The following MGRN1 variants were observed in gnomAD, a reference collection of about 807,000 sequenced individuals.
The protein encoded by MGRN1 is mahogunin ring finger 1, also known as E3 ubiquitin-protein ligase MGRN1.
In MGRN1, 29 loss-of-function variants were observed where a neutral mutation model predicts 69.2. The observed-to-expected ratio is 0.42, with a 90% CI of 0.31 to 0.57. The LOEUF is 0.57. Among genes scored for constraint, MGRN1 ranks in the 20% least tolerant of loss-of-function variants. MGRN1 has a pLI of 0.15. For missense variants in MGRN1, 998 were observed against 796.2 expected (o/e 1.25, Z -3.05); for synonymous variants, 470 against 344.2 (o/e 1.37, Z -4.04).
At chr16:4,642,623 C>G (rs560620693) in intron 1 of MGRN1, among the ~76,000 whole-genome samples, 1 of 151,740 alleles carries the variant, frequency 6.6e-6, no homozygotes, top group East Asian at 1.9e-4. Context: ...CGCACCCGGC[C>G]CTAATTTTTG....
intron 5 of MGRN1, chr16:4,658,765 G>T (rs2078610385): frequency 6.6e-6 from 1 of 152,228 alleles, no homozygotes. Context: ...AGCACTTCGG[G>T]AGGCTGAGGT....
Position 4,624,844 on chromosome 16 carries a change from C to T in MGRN1, c.-117C>T. 2 of 828,812 alleles carry T rather than the reference C, an allele frequency of 2.4e-6. No individual in the cohort carries two copies. The highest frequency in any genetic ancestry group is 6.7e-5 in the South Asian group (2 of 29,692). 51.3% of individuals were successfully genotyped at this position (828,812 alleles called of 1,614,324 possible). On this transcript the variant is annotated 5_prime_UTR_variant, in exon 1 of 17. Coordinates refer to ENST00000262370, the MANE Select transcript of MGRN1 (RefSeq NM_015246.4). Reference sequence around the variant, plus strand: ...CGGGGGTGGGGGCTCGAGGCGCCTCCGCGGCCGTGGACGAGCGTCCGTGCG... The same window carrying T: ...CGGGGGTGGGGGCTCGAGGCGCCTCTGCGGCCGTGGACGAGCGTCCGTGCG...
intron 16 of MGRN1, chr16:4,686,365 T>C: frequency 6.6e-7 from 1 of 1,522,370 alleles, no homozygotes; most frequent in Non-Finnish European, 8.8e-7. Flanking sequence ...AGAGGAGCCC[T>C]CCCCTGCTCT....
chr16:4,665,053 G>T, intron 6 of MGRN1, 49 bp from the exon 7 acceptor site: 1 of 1,608,972 alleles, frequency 6.2e-7, no homozygotes, highest in South Asian at 1.1e-5. Context: ...GAGATGCCTG[G>T]GTGGGGCAGG....
chr16:4,644,541 C>G (rs184697056), intron 1 of MGRN1, among the ~76,000 whole-genome samples: 122 of 152,198 alleles, frequency 8.0e-4, no homozygotes, highest in Non-Finnish European at 1.3e-3. Flanking sequence ...AACTCCTGAC[C>G]TCAGGTGATC....
intron 1 of MGRN1, among the ~76,000 whole-genome samples, chr16:4,625,994 C>G (rs1280214542): frequency 6.6e-6 from 1 of 152,218 alleles, no homozygotes; most frequent in African/African-American, 2.4e-5. Flanking sequence ...GAGTGTGGGC[C>G]AGGTCCACAA....
intron 16 of MGRN1, among the ~76,000 whole-genome samples, chr16:4,685,601 C>T (rs188419878): frequency 4.5e-4 from 69 of 152,358 alleles, no homozygotes; most frequent in Non-Finnish European, 4.3e-4. Flanking sequence ...TTCTGAGCCA[C>T]GGAGAGCACA....
chr16:4,682,868 G>A lies in MGRN1; in HGVS notation c.1404G>A (p.Glu468=). The change falls in exon 14 of 17, where the codon GAG becomes GAA. Residue 468 remains glutamate (E), a synonymous_variant. Transcript: ENST00000262370. Reference sequence around the variant, plus strand: ...CCCCCATCCACGAAGAGGATGAGGAGAAGCTCTCCGAGGACGTGGACGCCC... The same window carrying A: ...CCCCCATCCACGAAGAGGATGAGGAAAAGCTCTCCGAGGACGTGGACGCCC... ...PSSPIHEEDE[E]KLSEDVDAPP... The A allele has an allele frequency of 6.2e-7, 1 of 1,609,644 alleles. No homozygotes were observed. The highest frequency in any genetic ancestry group is 8.5e-7 in the Non-Finnish European group (1 of 1,176,850).
chr16:4,677,240 CTGT>C (rs2079072425), intron 10 of MGRN1: 6 of 424,114 alleles, frequency 1.4e-5, no homozygotes, highest in Non-Finnish European at 2.1e-5. Context: ...CCCTCTATTT[CTGT>C]ACAGGGGAGC....
At chr16:4,683,177 G>GGCCGCGGCTCTCTGA in intron 14 of MGRN1, 47 bp from the exon 15 acceptor site, 3 of 1,607,262 alleles carry the variant, frequency 1.9e-6, no homozygotes, top group Non-Finnish European at 2.6e-6. Flanking sequence ...CTGGAGCGGT[G>GGCCGCGGCTCTCTGA]GCCGCGGCTC....
At chr16:4,666,684 G>A (rs1338345257) in intron 7 of MGRN1, among the ~76,000 whole-genome samples, 1 of 152,208 alleles carries the variant, frequency 6.6e-6, no homozygotes, top group Non-Finnish European at 1.5e-5. Context: ...CAGACCCCCA[G>A]TCCTGCTGCT....
intron 1 of MGRN1, 83 bp from the exon 2 acceptor site, chr16:4,650,282 G>T: frequency 9.3e-7 from 1 of 1,080,772 alleles, no homozygotes; most frequent in East Asian, 2.5e-5. Flanking sequence ...CAGCCTGGGT[G>T]GAGCGCCACT....
intron 8 of MGRN1, among the ~76,000 whole-genome samples, chr16:4,671,091 G>A (rs1301513964): frequency 6.6e-6 from 1 of 152,184 alleles, no homozygotes; most frequent in African/African-American, 2.4e-5. Flanking sequence ...GGTGGTGGTG[G>A]AGCCAAGTGG....
At chr16:4,637,396 C>T (rs1898357637) in intron 1 of MGRN1, among the ~76,000 whole-genome samples, 1 of 152,050 alleles carries the variant, frequency 6.6e-6, no homozygotes, top group Admixed American at 6.6e-5. Flanking sequence ...CGCCATTGCA[C>T]TCCAGCCTGA....
chr16:4,635,484 T>C (rs1898234184), intron 1 of MGRN1, among the ~76,000 whole-genome samples: 1 of 152,096 alleles, frequency 6.6e-6, no homozygotes, highest in Non-Finnish European at 1.5e-5. Context: ...TTTTTCTTTT[T>C]TTCGAGACAG....
At position 4,668,361 on chromosome 16, in the gene MGRN1, A is replaced by G. The variant is rs2078852553; in HGVS notation, c.726+49A>G. 3 of 1,594,046 alleles carry G rather than the reference A, an allele frequency of 1.9e-6. No individual in the cohort carries two copies. In the East Asian group the frequency reaches 6.7e-5, roughly 36 times the overall value. The stretch of plus-strand genomic sequence containing the variant: ...CGTGCTTGAATTAAAAGACACACAT[A>G]TACAATCACTCACACGCATACTCAT... On this transcript the variant is annotated intron_variant, in intron 8 of 16. Transcript: ENST00000262370.
At chr16:4,638,760 C>T (rs546717561) in intron 1 of MGRN1, among the ~76,000 whole-genome samples, 30 of 152,302 alleles carry the variant, frequency 2.0e-4, no homozygotes, top group African/African-American at 6.0e-4. Flanking sequence ...TGTTAGAACA[C>T]GAGGAGAATT....
chr16:4,687,229 A>G lies in MGRN1; in HGVS notation c.1619-1567A>G, dbSNP rs1007853762. 5 of 985,182 alleles carry G rather than the reference A, an allele frequency of 5.1e-6. No individual in the cohort carries two copies. The African/African-American group carries it at 8.7e-5, about 17-fold the overall frequency. The allele number at this position is 985,182 out of a possible 1,614,324, so 61.0% of individuals were successfully genotyped here. On this transcript the variant is annotated intron_variant, in intron 16 of 16. Transcript: ENST00000262370. Reference sequence around the variant, plus strand: ...CCATCCCCCCCAAGAGGCGCCCTCTACCAGGGTGGCCCAGGTGAGTGTTTT... The same window carrying G: ...CCATCCCCCCCAAGAGGCGCCCTCTGCCAGGGTGGCCCAGGTGAGTGTTTT...
In MGRN1 at chr16:4,680,236, C is replaced by T. The variant is rs181725470; in HGVS notation, c.1131+139C>T. 357 of 830,004 alleles carry T rather than the reference C, an allele frequency of 4.3e-4. 4 individuals are homozygous for T. In the African/African-American group the frequency reaches 5.4e-3, roughly 12 times the overall value. The allele number at this position is 830,004 out of a possible 1,614,324, so 51.4% of individuals were successfully genotyped here. A position where few individuals can be genotyped will look rare whatever the true frequency, so the allele number is the denominator to read the frequency against. ...TCAGCTCCACTTGCCCAGTCCCGGC[C>T]TCCCTGCCCAGGGAGTTTGTGGAAC... On this transcript the variant is annotated intron_variant, in intron 12 of 16. Transcript: ENST00000262370.
Sources: gnomAD v4.1 joint callset for allele counts (sites outside exome capture counted in the v4.1 genomes callset) on GRCh38, gnomAD v4.1.1 for gene constraint, MANE v1.5 for transcripts, NCBI Gene and HGNC (gene_info 2026-07-23, HGNC 2026-07-21) for gene names.